The following PPP2R2A variants were observed in gnomAD, a reference collection of about 807,000 sequenced individuals.
The protein encoded by PPP2R2A is protein phosphatase 2 regulatory subunit Balpha.
In PPP2R2A, 9 loss-of-function variants were observed where a neutral mutation model predicts 53.2. The observed-to-expected ratio is 0.17, with a 90% CI of 0.10 to 0.30. The LOEUF is 0.30. Among genes scored for constraint, PPP2R2A ranks in the 10% least tolerant of loss-of-function variants. The pLI, the probability that PPP2R2A is intolerant of heterozygous loss-of-function variation, is 1.00. For missense variants in PPP2R2A, 235 were observed against 534.6 expected (o/e 0.44, Z 5.53); for synonymous variants, 169 against 174.2 (o/e 0.97, Z 0.23).
chr8:26,339,671 T>A (rs1322643357), intron 3 of PPP2R2A, among the ~76,000 whole-genome samples: 1 of 152,156 alleles, frequency 6.6e-6, no homozygotes, highest in Non-Finnish European at 1.5e-5. Context: ...TTTTTCTTAT[T>A]CATTCTCTCC....
At chr8:26,347,985 T>C (rs1204691966) in intron 3 of PPP2R2A, among the ~76,000 whole-genome samples, 5 of 152,232 alleles carry the variant, frequency 3.3e-5, no homozygotes, top group African/African-American at 1.2e-4. Flanking sequence ...AGAGTAGTTA[T>C]CAGATATCAT....
chr8:26,360,886 A>T lies in PPP2R2A; in HGVS notation c.460-88A>T. On this transcript the variant is annotated intron_variant, in intron 5 of 9. Coordinates refer to ENST00000380737, the MANE Select transcript of PPP2R2A (RefSeq NM_002717.4). This position sits in a 1 kb window ranked among gnomAD's most constrained non-coding sequence, Gnocchi z 4.5. ...TATTGTTCTATTTTATGTTCTCAAA[A>T]ACTGAAATAATGAAGTTTTCTGAAT... 1 of 1,303,388 alleles carries T rather than the reference A, an allele frequency of 7.7e-7. No homozygotes were observed. The highest frequency in any genetic ancestry group is 1.4e-5 in the South Asian group (1 of 73,376). The allele number at this position is 1,303,388 out of a possible 1,614,324, so 80.7% of individuals were successfully genotyped here. A position where few individuals can be genotyped will look rare whatever the true frequency, so the allele number is the denominator to read the frequency against.
At chr8:26,296,091 A>G (rs533898299) in intron 2 of PPP2R2A, among the ~76,000 whole-genome samples, 2 of 152,300 alleles carry the variant, frequency 1.3e-5, no homozygotes, top group African/African-American at 2.4e-5. Context: ...TCTTCTTTGC[A>G]TACCTGCTTT....
At chr8:26,339,054 G>T in intron 3 of PPP2R2A, 67 bp downstream of exon 3, 1 of 1,175,888 alleles carries the variant, frequency 8.5e-7, no homozygotes, top group Non-Finnish European at 1.3e-6. Context: ...TGTTGCACTG[G>T]AGAATCTCAT....
At chr8:26,314,888 T>TTCCC (rs1563291388) in intron 2 of PPP2R2A, among the ~76,000 whole-genome samples, 54 of 65,796 alleles carry the variant, frequency 8.2e-4, no homozygotes, top group African/African-American at 1.6e-3. Flanking sequence ...TTTTTTCCCT[T>TTCCC]CCCCCCCCCC....
chr8:26,336,689 C>A (rs146131425), intron 2 of PPP2R2A, among the ~76,000 whole-genome samples: 1 of 152,010 alleles, frequency 6.6e-6, no homozygotes, highest in Non-Finnish European at 1.5e-5. Flanking sequence ...CTACCTTGAG[C>A]AACATAGTGA....
chr8:26,344,850 TGAAATGCTTGGAACCA>T (rs1804130954), intron 3 of PPP2R2A, among the ~76,000 whole-genome samples: 1 of 152,216 alleles, frequency 6.6e-6, no homozygotes, highest in Non-Finnish European at 1.5e-5. Context: ...ATCCCTTATC[TGAAATGCTTGGAACCA>T]GAAGTGTTTC....
intron 2 of PPP2R2A, chr8:26,298,745 C>G (rs1195404126): frequency 6.6e-6 from 1 of 152,166 alleles, no homozygotes; most frequent in Non-Finnish European, 1.5e-5. Context: ...GCCAGTGTTG[C>G]CCCATGTATG....
rs771857932 is a variant in PPP2R2A at position 26,354,426 on chromosome 8, TA to T, written c.181-41del. On this transcript the variant is annotated intron_variant, in intron 3 of 9. Transcript: ENST00000380737. This position sits in a 1 kb window ranked among gnomAD's most constrained non-coding sequence, Gnocchi z 4.6. The stretch of plus-strand genomic sequence containing the variant: ...GATTACATATTTGATTATTTTGAAA[TA>T]TTTTTCAACAATGGTCCATATATTT... The T allele has an allele frequency of 3.2e-5, 45 of 1,414,754 alleles. No individual in the cohort carries two copies. In the Admixed American group the frequency reaches 1.0e-3, roughly 32 times the overall value. The allele number at this position is 1,414,754 out of a possible 1,614,324, so 87.6% of individuals were successfully genotyped here.
intron 2 of PPP2R2A, chr8:26,333,643 A>G (rs1302280583): frequency 5.8e-6 from 4 of 689,646 alleles, no homozygotes; most frequent in Non-Finnish European, 7.5e-6. Flanking sequence ...ACACCCATTT[A>G]TATATACTAT....
chr8:26,305,992 A>G (rs1443681387), intron 2 of PPP2R2A, among the ~76,000 whole-genome samples: 2 of 152,154 alleles, frequency 1.3e-5, no homozygotes, highest in Non-Finnish European at 2.9e-5. Context: ...TGTTTATGGT[A>G]GCCTACAAGC....
In PPP2R2A at chr8:26,291,869, C is replaced by T. The variant is rs368220994; in HGVS notation, c.7+43C>T. On this transcript the variant is annotated intron_variant, in intron 1 of 9. Coordinates refer to ENST00000380737, the MANE Select transcript of PPP2R2A (RefSeq NM_002717.4). ...CTCGCCCCCTGACAAGGCACCGCTTCCTTATTCCTCCCTCCATCACCCCCT... is the reference window on the plus strand; with the variant it reads ...CTCGCCCCCTGACAAGGCACCGCTTTCTTATTCCTCCCTCCATCACCCCCT... 51 of 1,606,194 alleles carry T rather than the reference C, an allele frequency of 3.2e-5. No homozygotes were observed. In the Admixed American group the frequency reaches 4.2e-4, roughly 13 times the overall value.
At chr8:26,333,497 G>A (rs1803487042) in intron 2 of PPP2R2A, 1 of 1,231,790 alleles carries the variant, frequency 8.1e-7, no homozygotes, top group South Asian at 1.4e-5. Context: ...TCACTTATTT[G>A]AGACATAGTC....
intron 2 of PPP2R2A, among the ~76,000 whole-genome samples, chr8:26,314,280 G>T (rs868447776): frequency 3.9e-5 from 6 of 152,274 alleles, no homozygotes; most frequent in African/African-American, 1.2e-4. Context: ...TGTTGTATCA[G>T]TTTTACTTTT....
chr8:26,346,410 G>A (rs1804219165), intron 3 of PPP2R2A, among the ~76,000 whole-genome samples: 1 of 151,972 alleles, frequency 6.6e-6, no homozygotes, highest in African/African-American at 2.4e-5. Context: ...CAAAGTGCTG[G>A]GATTATAGGC....
chr8:26,319,660 T>C (rs993572168), intron 2 of PPP2R2A, among the ~76,000 whole-genome samples: 1 of 152,250 alleles, frequency 6.6e-6, no homozygotes, highest in African/African-American at 2.4e-5. Flanking sequence ...TCCAAAATCA[T>C]TTGACCATAT....
chr8:26,353,656 T>A (rs1804628133), intron 3 of PPP2R2A, among the ~76,000 whole-genome samples: 1 of 152,228 alleles, frequency 6.6e-6, no homozygotes, highest in African/African-American at 2.4e-5. Flanking sequence ...TGATTATAAT[T>A]CTCACTTTTG....
chr8:26,303,674 G>A (rs541472769), intron 2 of PPP2R2A, among the ~76,000 whole-genome samples: 3 of 152,008 alleles, frequency 2.0e-5, no homozygotes, highest in Admixed American at 6.6e-5. Context: ...TATTTTTGTG[G>A]CTGTTTTCTA....
intron 2 of PPP2R2A, among the ~76,000 whole-genome samples, chr8:26,324,240 A>C (rs1345072530): frequency 6.6e-6 from 1 of 152,164 alleles, no homozygotes; most frequent in African/African-American, 2.4e-5. Flanking sequence ...CCTACCTGAA[A>C]TAGTATTCCC....
Sources: gnomAD v4.1 joint callset for allele counts (sites outside exome capture counted in the v4.1 genomes callset) on GRCh38, gnomAD v4.1.1 for gene constraint, Gnocchi (gnomAD v3.1) non-coding constraint, MANE v1.5 for transcripts, NCBI Gene and HGNC (gene_info 2026-07-23, HGNC 2026-07-21) for gene names.